Variants in LTBP3 observed in about 807,000 individuals in gnomAD.
The protein encoded by LTBP3 is latent transforming growth factor beta binding protein 3, also known as latent-transforming growth factor beta-binding protein 3.
In LTBP3, 97 loss-of-function variants were observed where a neutral mutation model predicts 159.7. The ratio of observed to expected loss-of-function variants is 0.61; its 90% CI spans 0.52 to 0.72. LTBP3 has a LOEUF of 0.72. Ranked by LOEUF, LTBP3 falls within the 30% of genes least tolerant of loss-of-function variation. LTBP3 has a pLI of 0.00. For missense variants in LTBP3, 1,584 were observed against 1,864.3 expected (o/e 0.85, Z 2.77); for synonymous variants, 824 against 777.1 (o/e 1.06, Z -1.00).
At chr11:65,541,894 A>G (rs192003677) in intron 18 of LTBP3, 166 bp from the exon 19 acceptor site, 37 of 751,670 alleles carry the variant, frequency 4.9e-5, no homozygotes, top group East Asian at 4.8e-4. Context: ...GCATGTGGAC[A>G]TTAGCTGCTG....
At chr11:65,545,953 G>C (rs1157155484) in intron 16 of LTBP3, among the ~76,000 whole-genome samples, 2 of 152,058 alleles carry the variant, frequency 1.3e-5, no homozygotes, top group African/African-American at 4.8e-5. Flanking sequence ...CTGCCATGCT[G>C]TTCCTCTCCT....
Position 65,547,689 on chromosome 11 carries a change from C to A in LTBP3, c.1978+1G>T, listed in dbSNP as rs1380567112. The A allele has an allele frequency of 6.2e-7, 1 of 1,606,176 alleles. No individual in the cohort carries two copies. Among genetic ancestry groups the A allele is most frequent in the Non-Finnish European group, 8.5e-7 (1 of 1,178,008 alleles). On this transcript the variant is annotated splice_donor_variant, in intron 13 of 27. Coordinates refer to ENST00000301873, the MANE Select transcript of LTBP3 (RefSeq NM_001130144.3). LOFTEE classifies it high-confidence loss of function. The surrounding 1 kb of genome is among the most constrained non-coding windows in gnomAD (Gnocchi z 4.6). ...GCCGCCTCCGCCCTGGCGGCGCTCA[C>A]CCACGCACGAGCGCCCCCCGGCGCC...
chr11:65,546,820 G>C lies in LTBP3; in HGVS notation c.2208C>G (p.Ser736Arg). Residue 736 changes from serine to arginine, a missense_variant, in exon 15 of 28, where the codon AGC (serine) becomes AGG (arginine). Around this residue, in one of 6 missense-constraint regions of LTBP3, gnomAD observed 565 missense variants for 677.7 expected, o/e 0.83. Transcript: ENST00000301873. The surrounding 1 kb of genome is among the most constrained non-coding windows in gnomAD (Gnocchi z 4.0). ...KCIACQPGYR[S>R]QGGGACRDVN... ...CACCGCGACAGGCCCCGCCCCCCTGGCTGCGGTAGCCAGGCTGACAGGCGA... is the reference window on the plus strand; with the variant it reads ...CACCGCGACAGGCCCCGCCCCCCTGCCTGCGGTAGCCAGGCTGACAGGCGA... 1 of 1,607,596 alleles carries C rather than the reference G, an allele frequency of 6.2e-7. No individual in the cohort carries two copies. Among genetic ancestry groups the C allele is most frequent in the Non-Finnish European group, 8.5e-7 (1 of 1,179,744 alleles).
intron 20 of LTBP3, 35 bp downstream of exon 20, chr11:65,541,091 T>C: frequency 6.2e-7 from 1 of 1,602,790 alleles, no homozygotes; most frequent in Non-Finnish European, 8.5e-7. Context: ...ATGAAGAAAC[T>C]GAAGATCTGG....
At chr11:65,556,053 C>T (rs1461413533) in intron 1 of LTBP3, among the ~76,000 whole-genome samples, 1 of 152,178 alleles carries the variant, frequency 6.6e-6, no homozygotes, top group Non-Finnish European at 1.5e-5. Context: ...CCCAATGACA[C>T]CCGCCCACTG....
In LTBP3 at chr11:65,553,546, G is replaced by T; in HGVS notation, c.865-16C>A. 1 of 1,538,024 alleles carries T rather than the reference G, an allele frequency of 6.5e-7. No individual in the cohort carries two copies. Among genetic ancestry groups the T allele is most frequent in the Non-Finnish European group, 9.0e-7 (1 of 1,113,798 alleles). On this transcript the variant is annotated splice_polypyrimidine_tract_variant and intron_variant, in intron 3 of 27. Transcript: ENST00000301873. The surrounding 1 kb of genome is among the most constrained non-coding windows in gnomAD (Gnocchi z 6.5). ...TGCTGCCACACTAGGGGAAGGAGGG[G>T]GAGGTGGGGTCACAGAGCACCCCGC...
chr11:65,551,212 C>T lies in LTBP3; in HGVS notation c.1634G>A (p.Arg545His), dbSNP rs986091498. The T allele has an allele frequency of 1.9e-5, 30 of 1,548,020 alleles. No individual in the cohort carries two copies. The highest frequency in any genetic ancestry group is 2.4e-5 in the Non-Finnish European group (27 of 1,147,612). Residue 545 changes from arginine to histidine, a missense_variant, in exon 11 of 28, where the codon CGT (arginine) becomes CAT (histidine). This residue lies in a region of LTBP3 where 565 missense variants were observed against 677.7 expected (regional missense o/e 0.83). Transcript: ENST00000301873. ...CCAGCGCATGGTCGGGGGCGAGGGA[C>T]GGGAGATCAGCTCTGCGGGCGGCAG... The part of the protein sequence containing the change: ...PARPYPELIS[R>H]PSPPTMRWFL...
intron 11 of LTBP3, chr11:65,548,670 A>C (rs1203508791): frequency 1.2e-5 from 2 of 165,210 alleles, no homozygotes; most frequent in Admixed American, 1.1e-4. Flanking sequence ...CCTCCTTTGG[A>C]TCCTCACTGC....
intron 1 of LTBP3, among the ~76,000 whole-genome samples, chr11:65,557,054 C>A (rs1856837269): frequency 6.6e-6 from 1 of 151,998 alleles, no homozygotes. Context: ...AGGCTGAGAA[C>A]CCCGAACTAG....
chr11:65,539,728 C>T lies in LTBP3; in HGVS notation c.3539G>A (p.Arg1180His), dbSNP rs1302392447. Reference protein sequence around the residue: ...WGAQCRPCPPRGAGSHCPTSQ... With the variant: ...WGAQCRPCPPHGAGSHCPTSQ... ...CTCCCCGACTGCCTTACCCGCGCCG[C>T]GCGGCGGGCACGGTCGGCATTGGGC... is the stretch of plus-strand genomic sequence containing the variant. Residue 1180 changes from arginine (R) to histidine (H), a missense_variant, in exon 25 of 28, where the codon CGC becomes CAC. Arg to His is a conservative substitution (Grantham distance 29). Around this residue, in one of 6 missense-constraint regions of LTBP3, gnomAD observed 514 missense variants for 530.3 expected, o/e 0.97. Coordinates refer to ENST00000301873, the MANE Select transcript of LTBP3 (RefSeq NM_001130144.3). 1.9e-6 allele frequency: 3 copies of T among 1,549,098 alleles called. No individual in the cohort carries two copies. The highest frequency in any genetic ancestry group is 1.2e-5 in the South Asian group (1 of 85,370).
chr11:65,551,209 G>A lies in LTBP3; in HGVS notation c.1637C>T (p.Pro546Leu), dbSNP rs1423370800. Reference sequence around the variant, plus strand: ...GAACCAGCGCATGGTCGGGGGCGAGGGACGGGAGATCAGCTCTGCGGGCGG... The same window carrying A: ...GAACCAGCGCATGGTCGGGGGCGAGAGACGGGAGATCAGCTCTGCGGGCGG... ...ARPYPELISR[P>L]SPPTMRWFLP... Residue 546 changes from proline (P) to leucine (L), a missense_variant, in exon 11 of 28, where the codon CCC (proline) becomes CTC (leucine). Pro to Leu is a moderately conservative substitution (Grantham distance 98). Coordinates refer to ENST00000301873, the MANE Select transcript of LTBP3 (RefSeq NM_001130144.3). 7 of 1,548,472 alleles carry A rather than the reference G, an allele frequency of 4.5e-6. No individual in the cohort carries two copies. The highest frequency in any genetic ancestry group is 6.1e-6 in the Non-Finnish European group (7 of 1,147,640).
Position 65,539,574 on chromosome 11 carries a change from G to A in LTBP3, c.3602C>T (p.Pro1201Leu), listed in dbSNP as rs776191227. The A allele has an allele frequency of 1.9e-6, 3 of 1,612,658 alleles. No individual in the cohort carries two copies. Among genetic ancestry groups the A allele is most frequent in the Middle Eastern group, 1.6e-4 (1 of 6,080 alleles). ...TCTTGGGGGCTTCCCCAACAGCAGG[G>A]GGCTTGTGTCCCAGAAGGAATTGCT... is the stretch of plus-strand genomic sequence containing the variant. ...SESNSFWDTS[P>L]LLLGKPPRDE... The change falls in exon 26 of 28, where the codon CCC (proline) becomes CTC (leucine). Residue 1201 changes from proline to leucine, a missense_variant. This residue lies in a region of LTBP3 where 514 missense variants were observed against 530.3 expected (regional missense o/e 0.97). Transcript: ENST00000301873.
intron 21 of LTBP3, 89 bp from the exon 22 acceptor site, chr11:65,540,703 C>CGGGCGGGTCCTACAGGAG: frequency 3.2e-6 from 4 of 1,243,476 alleles, no homozygotes; most frequent in Non-Finnish European, 4.6e-6. Flanking sequence ...AAGCCATCCC[C>CGGGCGGGTCCTACAGGAG]GGGCGGGGCC....
Position 65,558,274 on chromosome 11 carries a change from G to A in LTBP3, c.-315C>T. The A allele has an allele frequency of 1.0e-6, 1 of 956,180 alleles. No individual in the cohort carries two copies. Among genetic ancestry groups the A allele is most frequent in the Non-Finnish European group, 1.3e-6 (1 of 788,254 alleles). The allele number at this position is 956,180 out of a possible 1,614,324, so 59.2% of individuals were successfully genotyped here. A position where few individuals can be genotyped will look rare whatever the true frequency, so the allele number is the denominator to read the frequency against. ...GAGGGAGAGGAAGGCCGGGCGGCCG[G>A]CCCGCTCCGCGCCTCCCCCTGGCCG... On this transcript the variant is annotated 5_prime_UTR_variant, in exon 1 of 28. Coordinates refer to ENST00000301873, the MANE Select transcript of LTBP3 (RefSeq NM_001130144.3).
intron 1 of LTBP3, among the ~76,000 whole-genome samples, chr11:65,556,311 C>T (rs1278278588): frequency 6.6e-6 from 1 of 152,062 alleles, no homozygotes; most frequent in Non-Finnish European, 1.5e-5. Context: ...GTAGATCACT[C>T]GAGATCAGGA....
In LTBP3 at chr11:65,540,688, G is replaced by A. The variant is rs529692998; in HGVS notation, c.2978-74C>T. On this transcript the variant is annotated intron_variant, in intron 21 of 27. Coordinates refer to ENST00000301873, the MANE Select transcript of LTBP3 (RefSeq NM_001130144.3). ...GAGGCGTGGGCTGGGCGCACCACCG[G>A]AGCGAAGCCATCCCCGGGCGGGGCC... 3.1e-6 allele frequency: 5 copies of A among 1,603,348 alleles called. No individual in the cohort carries two copies. The African/African-American group carries it at 4.0e-5, about 13-fold the overall frequency.
At chr11:65,549,966 T>C (rs778475520) in intron 11 of LTBP3, among the ~76,000 whole-genome samples, 1 of 151,934 alleles carries the variant, frequency 6.6e-6, no homozygotes, top group Non-Finnish European at 1.5e-5. Context: ...ACCCAAATAT[T>C]TCTTGAGCAC....
rs1195932299 is a variant in LTBP3 at position 65,539,182 on chromosome 11, G to A, written c.3810C>T (p.Ser1270=). ...AGCCGCTGGTGTTCACGCAGCGCTC[G>A]CTCTTGCACAGCAGCCCGCGCTGGT... The part of the protein sequence containing the change: ...ELNQRGLLCK[S]ERCVNTSGSF... Residue 1270 remains serine (S), a synonymous_variant, in exon 28 of 28, where the codon AGC becomes AGT. Transcript: ENST00000301873. 3.6e-5 allele frequency: 54 copies of A among 1,514,208 alleles called. No homozygotes were observed. Among genetic ancestry groups the A allele is most frequent in the Non-Finnish European group, 4.7e-5 (53 of 1,127,158 alleles). The allele number at this position is 1,514,208 out of a possible 1,614,324, so 93.8% of individuals were successfully genotyped here. A position where few individuals can be genotyped will look rare whatever the true frequency, so the allele number is the denominator to read the frequency against.
chr11:65,557,891 C>T lies in LTBP3; in HGVS notation c.69G>A (p.Leu23=). The T allele has an allele frequency of 7.7e-7, 1 of 1,290,420 alleles. No homozygotes were observed. The highest frequency in any genetic ancestry group is 9.9e-7 in the Non-Finnish European group (1 of 1,009,076). 79.9% of individuals were successfully genotyped at this position (1,290,420 alleles called of 1,614,324 possible). A position where few individuals can be genotyped will look rare whatever the true frequency, so the allele number is the denominator to read the frequency against. Residue 23 remains leucine, a synonymous_variant, in exon 1 of 28, where the codon CTG becomes CTA. Coordinates refer to ENST00000301873, the MANE Select transcript of LTBP3 (RefSeq NM_001130144.3). ...GCAGCAGCAGCAGCAGCAGCGCCAG[C>T]AGCCCCGCCGCCCCCGCCCCGCGCA... The part of the protein sequence containing the change: ...PEMRGAGAAG[L]LALLLLLLLL...
Sources: gnomAD v4.1 joint callset for allele counts (sites outside exome capture counted in the v4.1 genomes callset) on GRCh38, gnomAD v4.1.1 for gene constraint, gnomAD v4.1.1 regional missense constraint, Gnocchi (gnomAD v3.1) non-coding constraint, MANE v1.5 for transcripts, NCBI Gene and HGNC (gene_info 2026-07-23, HGNC 2026-07-21) for gene names.